Variants in DYNC1LI1 observed in about 807,000 individuals in gnomAD.
DYNC1LI1 encodes cytoplasmic dynein 1 light intermediate chain 1.
In DYNC1LI1, 19 loss-of-function variants were observed where a neutral mutation model predicts 63.8. That is an observed-to-expected ratio of 0.30 (90% CI 0.21 to 0.44). The LOEUF (loss-of-function observed/expected upper bound fraction) is 0.44, where lower values mean the gene tolerates loss of function less well. Among genes scored for constraint, DYNC1LI1 ranks in the 20% least tolerant of loss-of-function variants. The probability of loss-of-function intolerance (pLI) is 1.00; values close to 1 mark genes in which losing one functional copy is unlikely to be tolerated. For missense variants in DYNC1LI1, 565 were observed against 630.2 expected (o/e 0.90, Z 1.11); for synonymous variants, 225 against 232.3 (o/e 0.97, Z 0.28).
At chr3:32,528,689 G>T in intron 11 of DYNC1LI1, 88 bp from the exon 12 acceptor site, 1 of 1,279,742 alleles carries the variant, frequency 7.8e-7, no homozygotes, top group Admixed American at 2.9e-5. Context: ...CATAGAAAAT[G>T]AATAAACTTA....
chr3:32,570,852 C>G lies in DYNC1LI1; in HGVS notation c.-82G>C. 5 of 1,464,768 alleles carry G rather than the reference C, an allele frequency of 3.4e-6. No homozygotes were observed. Among genetic ancestry groups the G allele is most frequent in the Non-Finnish European group, 4.6e-6 (5 of 1,097,246 alleles). 90.7% of individuals were successfully genotyped at this position (1,464,768 alleles called of 1,614,324 possible). A position where few individuals can be genotyped will look rare whatever the true frequency, so the allele number is the denominator to read the frequency against. On this transcript the variant is annotated 5_prime_UTR_variant, in exon 1 of 13. Transcript: ENST00000273130. ...GGTGGCGGTGGAGGCGGCGGGAACC[C>G]GGATATGGGGCGTTCAGCGCACGGG...
intron 6 of DYNC1LI1, among the ~76,000 whole-genome samples, chr3:32,534,876 T>C (rs1697754152): frequency 1.3e-5 from 2 of 152,198 alleles, no homozygotes; most frequent in Middle Eastern, 3.2e-3. Flanking sequence ...AAGGCAGAAG[T>C]CTCATTAAGA....
chr3:32,565,065 A>C (rs1012149762), intron 2 of DYNC1LI1, among the ~76,000 whole-genome samples: 12 of 152,210 alleles, frequency 7.9e-5, no homozygotes, highest in Admixed American at 2.6e-4. Flanking sequence ...CCGTGGACTA[A>C]TACCTTCAGA....
intron 4 of DYNC1LI1, among the ~76,000 whole-genome samples, chr3:32,543,607 C>T (rs1697912344): frequency 6.6e-6 from 1 of 150,542 alleles, no homozygotes; most frequent in African/African-American, 2.4e-5. Flanking sequence ...AGGGTTTCAC[C>T]ATCTTGGCCA....
intron 2 of DYNC1LI1, among the ~76,000 whole-genome samples, chr3:32,564,988 A>C (rs946495938): frequency 1.3e-5 from 2 of 152,100 alleles, no homozygotes; most frequent in Non-Finnish European, 2.9e-5. Flanking sequence ...GAAGGGGGGG[A>C]AAAAAGACTT....
At chr3:32,557,637 T>C (rs555361640) in intron 2 of DYNC1LI1, among the ~76,000 whole-genome samples, 2 of 152,186 alleles carry the variant, frequency 1.3e-5, no homozygotes, top group Non-Finnish European at 2.9e-5. Flanking sequence ...TATAAGTTAT[T>C]GTTTGGAAAA....
At chr3:32,530,243 T>A in intron 10 of DYNC1LI1, 41 bp downstream of exon 10, 2 of 1,509,628 alleles carry the variant, frequency 1.3e-6, no homozygotes, top group Admixed American at 4.0e-5. Flanking sequence ...AAATAATATG[T>A]ACTGCATTTT....
intron 8 of DYNC1LI1, chr3:32,530,890 C>T (rs1335854261): frequency 5.9e-6 from 1 of 169,750 alleles, no homozygotes; most frequent in Non-Finnish European, 1.3e-5. Flanking sequence ...ACCCTAGAGT[C>T]ACAAGCATAT....
chr3:32,563,289 CTTTT>C (rs1292071061), intron 2 of DYNC1LI1, among the ~76,000 whole-genome samples: 2 of 133,970 alleles, frequency 1.5e-5, no homozygotes. Context: ...TGGTCACTTA[CTTTT>C]TTTTTTTTTT....
At chr3:32,550,244 C>T (rs1260943840) in intron 2 of DYNC1LI1, among the ~76,000 whole-genome samples, 1 of 152,128 alleles carries the variant, frequency 6.6e-6, no homozygotes, top group East Asian at 1.9e-4. Context: ...CCAGCCTGAC[C>T]AACATGGAGA....
chr3:32,570,036 T>A, intron 2 of DYNC1LI1: 1 of 494,888 alleles, frequency 2.0e-6, no homozygotes, highest in South Asian at 2.2e-5. Flanking sequence ...ATTTTCTAGA[T>A]AAACCCCAGG....
At chr3:32,566,045 A>G (rs1241770189) in intron 2 of DYNC1LI1, among the ~76,000 whole-genome samples, 2 of 152,136 alleles carry the variant, frequency 1.3e-5, no homozygotes, top group African/African-American at 4.8e-5. Context: ...GAGGTGAGAG[A>G]AGGACTGCTT....
At chr3:32,545,798 C>T in intron 3 of DYNC1LI1, 51 bp downstream of exon 3, 1 of 1,205,236 alleles carries the variant, frequency 8.3e-7, no homozygotes, top group Non-Finnish European at 1.2e-6. Flanking sequence ...ATGTGAATGG[C>T]AGTGCACCTC....
intron 2 of DYNC1LI1, among the ~76,000 whole-genome samples, chr3:32,561,701 C>T (rs1698197270): frequency 6.6e-6 from 1 of 151,132 alleles, no homozygotes; most frequent in African/African-American, 2.4e-5. Context: ...ATTTAAAAGA[C>T]CTAACAATTC....
chr3:32,545,660 TA>T, intron 3 of DYNC1LI1, 188 bp downstream of exon 3: 1 of 590,408 alleles, frequency 1.7e-6, no homozygotes. Flanking sequence ...TTAAGATGCT[TA>T]AAAGTATCAT....
intron 2 of DYNC1LI1, among the ~76,000 whole-genome samples, chr3:32,567,363 T>C (rs376404755): frequency 6.6e-6 from 1 of 152,072 alleles, no homozygotes; most frequent in Non-Finnish European, 1.5e-5. Flanking sequence ...TACACATACA[T>C]GACCCTTTAC....
At chr3:32,566,760 CAAAA>C in intron 2 of DYNC1LI1, 1 of 422,822 alleles carries the variant, frequency 2.4e-6, no homozygotes, top group East Asian at 7.8e-5. Context: ...AACAAACAAA[CAAAA>C]AAACAAATAT....
At chr3:32,554,902 CTT>C (rs1400715976) in intron 2 of DYNC1LI1, among the ~76,000 whole-genome samples, 1 of 124,728 alleles carries the variant, frequency 8.0e-6, no homozygotes, top group Non-Finnish European at 1.6e-5. Flanking sequence ...CAGACTCTCA[CTT>C]TGTCACCCAG....
At chr3:32,529,861 C>A (rs1396813806) in intron 10 of DYNC1LI1, among the ~76,000 whole-genome samples, 1 of 152,142 alleles carries the variant, frequency 6.6e-6, no homozygotes, top group African/African-American at 2.4e-5. Flanking sequence ...TTTTAACATA[C>A]AAATTTTTCC....
Sources: allele counts gnomAD v4.1 joint callset (sites outside exome capture counted in the v4.1 genomes callset), GRCh38; gene constraint gnomAD v4.1.1; transcripts MANE v1.5; gene names NCBI Gene and HGNC (gene_info 2026-07-23, HGNC 2026-07-21).